Variants in DLGAP1 observed in about 807,000 individuals in gnomAD.
DLGAP1 encodes DLG associated protein 1, also known as disks large-associated protein 1.
DLGAP1 carries 11 observed loss-of-function variants against 90.8 expected under a neutral mutation model. The observed-to-expected ratio is 0.12, with a 90% CI of 0.08 to 0.20. The LOEUF (loss-of-function observed/expected upper bound fraction) is 0.20, where lower values mean the gene tolerates loss of function less well. Among genes scored for constraint, DLGAP1 ranks in the 10% least tolerant of loss-of-function variants. The pLI, the probability that DLGAP1 is intolerant of heterozygous loss-of-function variation, is 1.00. For missense variants in DLGAP1, 1,050 were observed against 1,333.8 expected (o/e 0.79, Z 3.31); for synonymous variants, 558 against 540.7 (o/e 1.03, Z -0.44).
At chr18:3,735,257 T>C (rs1330809619) in intron 6 of DLGAP1, among the ~76,000 whole-genome samples, 1 of 152,226 alleles carries the variant, frequency 6.6e-6, no homozygotes, top group Non-Finnish European at 1.5e-5. Flanking sequence ...CTCACTCTTG[T>C]CACCCAGGCT....
At chr18:4,045,583 C>A (rs1378523227) in intron 2 of DLGAP1, among the ~76,000 whole-genome samples, 1 of 150,836 alleles carries the variant, frequency 6.6e-6, no homozygotes, top group East Asian at 2.0e-4. Flanking sequence ...GCCTGGGTAA[C>A]AGAGCAAGAC....
At chr18:4,036,993 G>T (rs2149139894) in intron 2 of DLGAP1, among the ~76,000 whole-genome samples, 1 of 152,290 alleles carries the variant, frequency 6.6e-6, no homozygotes, top group Non-Finnish European at 1.5e-5. Context: ...TGTGCAAATT[G>T]TAAAGCCTAT....
intron 2 of DLGAP1, among the ~76,000 whole-genome samples, chr18:4,056,138 A>G (rs2075213002): frequency 6.6e-6 from 1 of 152,148 alleles, no homozygotes; most frequent in African/African-American, 2.4e-5. Context: ...CAGGTTATCT[A>G]TGGGGAAGGG....
At chr18:3,687,907 G>GT (rs34437512) in intron 7 of DLGAP1, among the ~76,000 whole-genome samples, 2,795 of 133,186 alleles carry the variant, frequency 0.021, 56 homozygotes, top group Non-Finnish European at 0.021. Flanking sequence ...CTCAGAGACT[G>GT]TTTTTTTTTT....
intron 10 of DLGAP1, among the ~76,000 whole-genome samples, chr18:3,528,767 G>A (rs991988184): frequency 7.9e-5 from 12 of 152,154 alleles, no homozygotes; most frequent in Non-Finnish European, 1.8e-4. Flanking sequence ...TTTGAAATTG[G>A]TGACTCTGTC....
At chr18:3,629,370 A>G (rs2058432456) in intron 7 of DLGAP1, among the ~76,000 whole-genome samples, 1 of 152,100 alleles carries the variant, frequency 6.6e-6, no homozygotes, top group Non-Finnish European at 1.5e-5. Flanking sequence ...CTACAAACAA[A>G]TAAATAAAAA....
chr18:3,509,699 C>T (rs535578345), intron 10 of DLGAP1, among the ~76,000 whole-genome samples: 2 of 152,268 alleles, frequency 1.3e-5, no homozygotes, highest in African/African-American at 4.8e-5. Context: ...GCCAGGTACC[C>T]GAGTGGAATA....
intron 7 of DLGAP1, among the ~76,000 whole-genome samples, chr18:3,600,905 T>G (rs1243579801): frequency 8.0e-6 from 1 of 125,166 alleles, no homozygotes; most frequent in African/African-American, 2.9e-5. Context: ...TATATATAGA[T>G]ATATAGATAG....
intron 10 of DLGAP1, among the ~76,000 whole-genome samples, chr18:3,521,787 C>T (rs1270458803): frequency 1.3e-5 from 2 of 152,188 alleles, no homozygotes; most frequent in Non-Finnish European, 1.5e-5. Context: ...CCTATTATCT[C>T]CACTGAAGGA....
intron 7 of DLGAP1, among the ~76,000 whole-genome samples, chr18:3,599,046 T>G (rs1177328585): frequency 6.6e-6 from 1 of 152,228 alleles, no homozygotes; most frequent in Non-Finnish European, 1.5e-5. Flanking sequence ...AGTGCTGGGA[T>G]TACAGGCGTG....
At position 3,848,912 on chromosome 18, in the gene DLGAP1, T is replaced by TC. The variant is rs564111135; in HGVS notation, c.957+30199dup. ...AGTAGATATTAGCTTTCTTTGCTCC[T>TC]CCCCCCAACACTAGCAAGGATATAA... is the stretch of plus-strand genomic sequence containing the variant. On this transcript the variant is annotated intron_variant, in intron 4 of 12. Transcript: ENST00000315677. 8.3e-4 allele frequency among the ~76,000 whole-genome samples: 126 copies of TC among 152,158 alleles called. 2 individuals carry two copies. In the Middle Eastern group the frequency reaches 0.01, roughly 12 times the overall value.
chr18:4,108,341 C>G (rs1248386455), intron 2 of DLGAP1, among the ~76,000 whole-genome samples: 1 of 152,202 alleles, frequency 6.6e-6, no homozygotes, highest in Non-Finnish European at 1.5e-5. Context: ...TACTGTGTGA[C>G]TGTCAATACA....
At position 4,448,752 on chromosome 18, in the gene DLGAP1, C is replaced by G. The variant is rs115460815; in HGVS notation, c.-267+6254G>C. Among the ~76,000 whole-genome samples the G allele has an allele frequency of 2.1e-3, 322 of 152,188 alleles. 2 individuals carry two copies. Among genetic ancestry groups the G allele is most frequent in the African/African-American group, 7.5e-3 (311 of 41,508 alleles). Reference sequence around the variant, plus strand: ...ACTACATGTCTGGCCAGAAACAAAACTAGTATAAAAAATTCATGAAAATAC... The same window carrying G: ...ACTACATGTCTGGCCAGAAACAAAAGTAGTATAAAAAATTCATGAAAATAC... On this transcript the variant is annotated intron_variant, in intron 1 of 12. Transcript: ENST00000315677.
intron 1 of DLGAP1, among the ~76,000 whole-genome samples, chr18:4,210,033 A>G (rs572915512): frequency 3.9e-5 from 6 of 152,280 alleles, no homozygotes; most frequent in African/African-American, 1.4e-4. Context: ...TATCTTTAGC[A>G]GTTCTGTTTG....
chr18:4,002,354 C>T (rs1210519495), intron 3 of DLGAP1, among the ~76,000 whole-genome samples: 2 of 152,154 alleles, frequency 1.3e-5, no homozygotes, highest in African/African-American at 4.8e-5. Flanking sequence ...GTTTGAACGG[C>T]ACAGGTCCAT....
intron 1 of DLGAP1, among the ~76,000 whole-genome samples, chr18:4,176,860 G>A (rs2077117412): frequency 1.3e-5 from 2 of 152,206 alleles, no homozygotes. Flanking sequence ...AAATGATGGT[G>A]ATAAAAGATG....
intron 10 of DLGAP1, among the ~76,000 whole-genome samples, chr18:3,510,296 G>C (rs969568405): frequency 1.3e-5 from 2 of 152,218 alleles, no homozygotes; most frequent in Non-Finnish European, 2.9e-5. Context: ...AAAAGCGTTA[G>C]TGTATTTGAA....
intron 5 of DLGAP1, among the ~76,000 whole-genome samples, chr18:3,771,763 C>G (rs1476788024): frequency 6.6e-6 from 1 of 151,988 alleles, no homozygotes; most frequent in Non-Finnish European, 1.5e-5. Context: ...CTCAGAGCAG[C>G]TCTGGGTCTA....
intron 5 of DLGAP1, among the ~76,000 whole-genome samples, chr18:3,754,928 A>C (rs1462723798): frequency 6.6e-6 from 1 of 152,018 alleles, no homozygotes; most frequent in East Asian, 1.9e-4. Flanking sequence ...ATTAAAGTTT[A>C]TTAAAACATA....
Sources: gnomAD v4.1 joint callset for allele counts (sites outside exome capture counted in the v4.1 genomes callset) on GRCh38, gnomAD v4.1.1 for gene constraint, MANE v1.5 for transcripts, NCBI Gene and HGNC (gene_info 2026-07-23, HGNC 2026-07-21) for gene names.